The following TPCN1 variants were observed in gnomAD, a reference collection of about 807,000 sequenced individuals.
TPCN1 encodes two pore segment channel 1, also known as two pore channel protein 1.
A neutral mutation model predicts 108.8 loss-of-function variants in TPCN1; 52 were observed. The observed-to-expected ratio is 0.48, with a 90% CI of 0.38 to 0.60. The LOEUF (loss-of-function observed/expected upper bound fraction) is 0.60, where lower values mean the gene tolerates loss of function less well. Ranked by LOEUF, TPCN1 falls within the 20% of genes least tolerant of loss-of-function variation. The probability of loss-of-function intolerance (pLI) is 0.00; values close to 1 mark genes in which losing one functional copy is unlikely to be tolerated. For missense variants in TPCN1, 806 were observed against 1,072.8 expected (o/e 0.75, Z 3.47); for synonymous variants, 446 against 433.7 (o/e 1.03, Z -0.35).
intron 10 of TPCN1, among the ~76,000 whole-genome samples, chr12:113,274,347 C>T (rs1324758164): frequency 1.3e-5 from 2 of 151,952 alleles, no homozygotes; most frequent in Non-Finnish European, 2.9e-5. Context: ...ACTCAGGAGG[C>T]TGAGGCAGAA....
At chr12:113,228,601 C>T (rs144682096) in intron 2 of TPCN1, among the ~76,000 whole-genome samples, 2,598 of 152,222 alleles carry the variant, frequency 0.017, 58 homozygotes, top group African/African-American at 0.058. Flanking sequence ...CAGAGCAAGA[C>T]CCTGTCTCAA....
chr12:113,273,320 C>A lies in TPCN1; in HGVS notation c.842+30C>A. 1 of 1,609,160 alleles carries A rather than the reference C, an allele frequency of 6.2e-7. No homozygotes were observed. Among genetic ancestry groups the A allele is most frequent in the South Asian group, 1.1e-5 (1 of 90,966 alleles). The stretch of plus-strand genomic sequence containing the variant: ...GTGCAGGCTCTGCCTTGCCTTTGGT[C>A]CTCTGCTGCCGCCCTGGGGTCTCTT... On this transcript the variant is annotated intron_variant, in intron 9 of 27. Coordinates refer to ENST00000335509, the MANE Select transcript of TPCN1 (RefSeq NM_017901.6). The surrounding 1 kb of genome is among the most constrained non-coding windows in gnomAD (Gnocchi z 4.0).
intron 2 of TPCN1, among the ~76,000 whole-genome samples, chr12:113,230,112 A>C (rs2136439793): frequency 6.6e-6 from 1 of 152,116 alleles, no homozygotes; most frequent in East Asian, 1.9e-4. Flanking sequence ...TGCTGATAAC[A>C]CCATCTCTTT....
chr12:113,269,679 C>T lies in TPCN1; in HGVS notation c.660-78C>T, dbSNP rs973754531. The stretch of plus-strand genomic sequence containing the variant: ...AGTATTTCGAGTCAGAAGCACTAGG[C>T]CTCCATCTCAACAAGGAGGAGTCCC... On this transcript the variant is annotated intron_variant, in intron 6 of 27. Coordinates refer to ENST00000335509, the MANE Select transcript of TPCN1 (RefSeq NM_017901.6). The surrounding 1 kb of genome is among the most constrained non-coding windows in gnomAD (Gnocchi z 5.0). 13 of 1,199,418 alleles carry T rather than the reference C, an allele frequency of 1.1e-5. No individual in the cohort carries two copies. The African/African-American group carries it at 1.2e-4, about 11-fold the overall frequency. The allele number at this position is 1,199,418 out of a possible 1,614,324, so 74.3% of individuals were successfully genotyped here.
chr12:113,223,718 A>AT (rs1445770497), intron 1 of TPCN1, among the ~76,000 whole-genome samples: 8 of 151,918 alleles, frequency 5.3e-5, no homozygotes, highest in Admixed American at 1.3e-4. Flanking sequence ...TAATTTTTGT[A>AT]TTTTTAGTAG....
intron 7 of TPCN1, among the ~76,000 whole-genome samples, chr12:113,270,467 TTTTG>T (rs1186739557): frequency 3.6e-4 from 55 of 151,640 alleles, no homozygotes; most frequent in African/African-American, 1.1e-3. Flanking sequence ...GAGGCCTCTT[TTTTG>T]TTTGTTTTGT....
In TPCN1 at chr12:113,268,811, G is replaced by A. The variant is rs765587102; in HGVS notation, c.598G>A (p.Val200Met). ...GGTACGGCAGATGTCCCATGTGCGG[G>A]TGACCCGAGCACTGCGCTGCATTTT... ...VLVRQMSHVR[V>M]TRALRCIFLV... The change falls in exon 6 of 28, where the codon GTG (valine) becomes ATG (methionine). Residue 200 changes from valine (V) to methionine (M), a missense_variant. Coordinates refer to ENST00000335509, the MANE Select transcript of TPCN1 (RefSeq NM_017901.6). This position sits in a 1 kb window ranked among gnomAD's most constrained non-coding sequence, Gnocchi z 7.3. 2 of 1,614,120 alleles carry A rather than the reference G, an allele frequency of 1.2e-6. No homozygotes were observed. Among genetic ancestry groups the A allele is most frequent in the Admixed American group, 3.3e-5 (2 of 60,024 alleles).
At position 113,288,409 on chromosome 12, in the gene TPCN1, AT is replaced by A; in HGVS notation, c.1706+180del. 4.0e-6 allele frequency: 6 copies of A among 1,484,030 alleles called. No homozygotes were observed. The highest frequency in any genetic ancestry group is 2.2e-5 in the Admixed American group (1 of 44,744). 91.9% of individuals were successfully genotyped at this position (1,484,030 alleles called of 1,614,324 possible). On this transcript the variant is annotated intron_variant, in intron 20 of 27. Coordinates refer to ENST00000335509, the MANE Select transcript of TPCN1 (RefSeq NM_017901.6). The surrounding 1 kb of genome is among the most constrained non-coding windows in gnomAD (Gnocchi z 4.8). Reference sequence around the variant, plus strand: ...GACCACCACAGGTCTCCTGGGCACCATTTTTCTCCACTGACCTGTCTGACAT... The same window carrying A: ...GACCACCACAGGTCTCCTGGGCACCATTTTCTCCACTGACCTGTCTGACAT...
At chr12:113,248,671 G>C (rs934601555) in intron 2 of TPCN1, among the ~76,000 whole-genome samples, 48 of 152,226 alleles carry the variant, frequency 3.2e-4, no homozygotes, top group African/African-American at 1.2e-3. Flanking sequence ...GGGCAGGCAG[G>C]ACGAGGTGAC....
At chr12:113,292,305 T>G (rs1288907038) in intron 25 of TPCN1, 1 of 307,306 alleles carries the variant, frequency 3.3e-6, no homozygotes, top group African/African-American at 2.2e-5. Flanking sequence ...GTTAGTCATC[T>G]CCACGTTTCT....
intron 2 of TPCN1, among the ~76,000 whole-genome samples, chr12:113,247,114 G>T (rs1474704406): frequency 6.6e-6 from 1 of 152,180 alleles, no homozygotes; most frequent in South Asian, 2.1e-4. Flanking sequence ...GAACCCAGTG[G>T]GCACGATGGG....
chr12:113,276,897 G>C (rs201470322), intron 10 of TPCN1, 22 bp from the exon 11 acceptor site: 29 of 1,564,166 alleles, frequency 1.9e-5, no homozygotes, highest in Non-Finnish European at 2.3e-5. Flanking sequence ...CTGAGCTAGG[G>C]CTCTGTGCTT....
Position 113,296,057 on chromosome 12 carries a change from G to A in TPCN1, c.2432G>A (p.Arg811His), listed in dbSNP as rs566314380. ...CAGCAGCCCCCAGGCAGCCGCCAGC[G>A]CTCCCAGACCGTTACCTAGCCCAGC... ...AAQQPPGSRQ[R>H]SQTVT Residue 811 changes from arginine to histidine, a missense_variant, in exon 28 of 28, where the codon CGC (arginine) becomes CAC (histidine). Arg to His is a conservative substitution (Grantham distance 29). Transcript: ENST00000335509. 2.6e-5 allele frequency: 42 copies of A among 1,613,140 alleles called. No individual in the cohort carries two copies. The highest frequency in any genetic ancestry group is 4.5e-5 in the East Asian group (2 of 44,872).
intron 2 of TPCN1, chr12:113,244,510 C>T (rs901171011): frequency 1.1e-4 from 106 of 985,288 alleles, no homozygotes; most frequent in Admixed American, 1.2e-4. Flanking sequence ...TTTCTTTCGG[C>T]GTAGCATCTC....
chr12:113,244,444 A>G (rs1954269744), intron 2 of TPCN1: 1 of 985,412 alleles, frequency 1.0e-6, no homozygotes, highest in Non-Finnish European at 1.2e-6. Context: ...CTTCCATACC[A>G]TCTTGCAACC....
intron 24 of TPCN1, 69 bp from the exon 25 acceptor site, chr12:113,291,805 C>T: frequency 3.2e-6 from 5 of 1,566,268 alleles, no homozygotes; most frequent in Non-Finnish European, 4.4e-6. Context: ...TGGGCGTGGG[C>T]TGCGCAGCCA....
Position 113,296,305 on chromosome 12 carries a change from C to G in TPCN1, c.*229C>G. 1 of 573,676 alleles carries G rather than the reference C, an allele frequency of 1.7e-6. No individual in the cohort carries two copies. The highest frequency in any genetic ancestry group is 3.0e-6 in the Non-Finnish European group (1 of 337,782). 35.5% of individuals were successfully genotyped at this position (573,676 alleles called of 1,614,324 possible). ...TGGGGGTGCGGCCACCAGGTCTGAG[C>G]TCTTCCTACTGTGGAAGGCTCCAGA... On this transcript the variant is annotated 3_prime_UTR_variant, in exon 28 of 28. Transcript: ENST00000335509.
Position 113,232,754 on chromosome 12 carries a change from C to T in TPCN1, c.112+5790C>T, listed in dbSNP as rs530586179. Among the ~76,000 whole-genome samples the T allele has an allele frequency of 1.3e-5, 2 of 152,324 alleles. No homozygotes were observed. The highest frequency in any genetic ancestry group is 4.1e-4 in the South Asian group (2 of 4,828). Reference sequence around the variant, plus strand: ...CATGTGTGTGATCACATGGTCAGTGCTCAGCCGGTCATAGGCATTATTATC... The same window carrying T: ...CATGTGTGTGATCACATGGTCAGTGTTCAGCCGGTCATAGGCATTATTATC... On this transcript the variant is annotated intron_variant, in intron 2 of 27. Transcript: ENST00000335509. The surrounding 1 kb of genome is among the most constrained non-coding windows in gnomAD (Gnocchi z 5.6).
chr12:113,225,617 C>G (rs1409574510), intron 1 of TPCN1, among the ~76,000 whole-genome samples: 1 of 152,072 alleles, frequency 6.6e-6, no homozygotes, highest in African/African-American at 2.4e-5. Flanking sequence ...CTGGATGGCT[C>G]TATCTCGGTT....
Sources: gnomAD v4.1 joint callset for allele counts (sites outside exome capture counted in the v4.1 genomes callset) on GRCh38, gnomAD v4.1.1 for gene constraint, Gnocchi (gnomAD v3.1) non-coding constraint, MANE v1.5 for transcripts, NCBI Gene and HGNC (gene_info 2026-07-23, HGNC 2026-07-21) for gene names.